The following GALNT13 variants were observed in gnomAD, a reference collection of about 807,000 sequenced individuals.
GALNT13 encodes the protein polypeptide N-acetylgalactosaminyltransferase 13.
Under a neutral mutation model 64.2 loss-of-function variants are expected in GALNT13, and 28 were observed. That is an observed-to-expected ratio of 0.44 (90% CI 0.32 to 0.60). GALNT13 has a LOEUF of 0.60. GALNT13 is among the 20% of genes least tolerant of loss of function. GALNT13 has a pLI of 0.05. For missense variants in GALNT13, 577 were observed against 669.8 expected (o/e 0.86, Z 1.53); for synonymous variants, 214 against 224.6 (o/e 0.95, Z 0.42).
intron 11 of GALNT13, among the ~76,000 whole-genome samples, chr2:154,413,195 A>T (rs1699866461): frequency 6.6e-6 from 1 of 151,866 alleles, no homozygotes; most frequent in Admixed American, 6.6e-5. Context: ...GTCTGCAGAC[A>T]TCTCAAACCC....
At chr2:153,262,955 A>G in the GALNT13 span, among the ~76,000 whole-genome samples, 7 of 152,144 alleles carry the variant, frequency 4.6e-5, no homozygotes, top group African/African-American at 1.7e-4. Context: ...GGCCAGGGCA[A>G]TCAGACAAGA....
chr2:153,129,805 T>A, the GALNT13 span, among the ~76,000 whole-genome samples: 2 of 151,796 alleles, frequency 1.3e-5, no homozygotes, highest in Non-Finnish European at 2.9e-5. Context: ...TAAGTTTGAA[T>A]AGCAACTAAA....
the GALNT13 span, among the ~76,000 whole-genome samples, chr2:153,296,477 C>G: frequency 1.3e-5 from 2 of 152,022 alleles, no homozygotes; most frequent in Non-Finnish European, 2.9e-5. Context: ...GGTTTAATGT[C>G]GTTTTAGTAA....
intron 3 of GALNT13, among the ~76,000 whole-genome samples, chr2:154,107,690 A>AT (rs35575704): frequency 0.76 from 114,757 of 151,690 alleles, 43,797 homozygotes; most frequent in East Asian, 0.96. Flanking sequence ...TGCAATAGAT[A>AT]TTTTTTAAAA....
rs1265376699 is a variant in GALNT13, at chr2:154,242,035, A to G, written c.317A>G (p.Lys106Arg). Residue 106 changes from lysine to arginine, a missense_variant, in exon 5 of 13, where the codon AAG becomes AGG. Physicochemically the swap from Lys to Arg is conservative, Grantham distance 26 (BLOSUM62 2). Around this residue, in one of 3 missense-constraint regions of GALNT13, gnomAD observed 341 missense variants for 379.3 expected, o/e 0.90. Transcript: ENST00000392825. ...TCTTCTTTTCTCTTTTTCAGATGTA[A>G]GACAAAAGTCTACCCTGATGAACTT... is the stretch of plus-strand genomic sequence containing the variant. Reference protein sequence around the residue: ...SLPDVRLEGCKTKVYPDELPN... With the variant: ...SLPDVRLEGCRTKVYPDELPN... 2 of 1,577,488 alleles carry G rather than the reference A, an allele frequency of 1.3e-6. No individual in the cohort carries two copies. The highest frequency in any genetic ancestry group is 1.7e-6 in the Non-Finnish European group (2 of 1,164,930).
At position 153,964,487 on chromosome 2, in the gene GALNT13, G is replaced by A. The variant is rs576111526; in HGVS notation, c.142+19848G>A. On this transcript the variant is annotated intron_variant, in intron 3 of 12. Transcript: ENST00000392825. The stretch of plus-strand genomic sequence containing the variant: ...GAACAGCATTTTCATATATTTCTCA[G>A]TACTCTCTTGTACATTTCTCTGTTA... 2.0e-5 allele frequency among the ~76,000 whole-genome samples: 3 copies of A among 152,042 alleles called. No homozygotes were observed. The South Asian group carries it at 6.2e-4, about 32-fold the overall frequency.
intron 9 of GALNT13, among the ~76,000 whole-genome samples, chr2:154,322,655 TAGTC>T (rs1415119484): frequency 1.3e-5 from 2 of 152,126 alleles, no homozygotes; most frequent in African/African-American, 4.8e-5. Flanking sequence ...AAACTAGTGG[TAGTC>T]AGGTTGTGTT....
chr2:153,222,228 A>C, the GALNT13 span, among the ~76,000 whole-genome samples: 2 of 118,930 alleles, frequency 1.7e-5, no homozygotes, highest in African/African-American at 6.2e-5. Context: ...AGGAGTGTCC[A>C]GCTCTTAGTG....
chr2:153,800,837 A>G, the GALNT13 span, among the ~76,000 whole-genome samples: 1 of 152,170 alleles, frequency 6.6e-6, no homozygotes, highest in Non-Finnish European at 1.5e-5. Flanking sequence ...GAAGTCTTGA[A>G]TCCCTCAAAG....
the GALNT13 span, among the ~76,000 whole-genome samples, chr2:153,180,521 A>C: frequency 6.6e-6 from 1 of 152,136 alleles, no homozygotes; most frequent in East Asian, 1.9e-4. Flanking sequence ...CTCTATTATC[A>C]GAGTAGTGCT....
the GALNT13 span, among the ~76,000 whole-genome samples, chr2:153,835,672 C>T: frequency 6.6e-6 from 1 of 152,010 alleles, no homozygotes; most frequent in Admixed American, 6.6e-5. Flanking sequence ...GTCTATGCTT[C>T]ATAATATAAA....
rs775208493 is a variant in GALNT13, at chr2:154,140,398, A to G, written c.204A>G (p.Lys68=). The change falls in exon 4 of 13, where the codon AAA becomes AAG. Residue 68 remains lysine (K), a synonymous_variant. Coordinates refer to ENST00000392825, the MANE Select transcript of GALNT13 (RefSeq NM_052917.4). ...GEMGKAVLIP[K]DDQEKMKELF... ...TGGGAAAAGCTGTGTTGATTCCTAA[A>G]GATGACCAGGAGAAAATGAAAGAGC... is the stretch of plus-strand genomic sequence containing the variant. The G allele has an allele frequency of 3.7e-6, 6 of 1,613,066 alleles. No individual in the cohort carries two copies. In the Admixed American group the frequency reaches 8.3e-5, roughly 22 times the overall value.
chr2:153,304,332 C>T, the GALNT13 span, among the ~76,000 whole-genome samples: 1 of 151,862 alleles, frequency 6.6e-6, no homozygotes, highest in Non-Finnish European at 1.5e-5. Context: ...CAGATTCCAC[C>T]TATAGATGAA....
At chr2:153,868,398 G>A (rs1461837703), upstream of GALNT13, among the ~76,000 whole-genome samples, 1 of 152,140 alleles carries the variant, frequency 6.6e-6, no homozygotes, top group Non-Finnish European at 1.5e-5. Context: ...TCAATGAGAA[G>A]CCACTTAAAT....
chr2:153,799,608 T>C, the GALNT13 span, among the ~76,000 whole-genome samples: 11 of 152,164 alleles, frequency 7.2e-5, no homozygotes, highest in Non-Finnish European at 1.5e-5. Flanking sequence ...ATAGTAACTA[T>C]AGTCAGTTAT....
the GALNT13 span, among the ~76,000 whole-genome samples, chr2:153,312,159 A>G: frequency 1.3e-5 from 2 of 152,166 alleles, no homozygotes; most frequent in African/African-American, 4.8e-5. Flanking sequence ...GCTTGATAAG[A>G]ATGTGAAAGA....
the GALNT13 span, among the ~76,000 whole-genome samples, chr2:153,652,667 C>T: frequency 6.6e-6 from 1 of 152,060 alleles, no homozygotes; most frequent in Non-Finnish European, 1.5e-5. Context: ...GACTGACACG[C>T]ACCTCTGCAC....
At chr2:153,700,385 A>G in the GALNT13 span, among the ~76,000 whole-genome samples, 1 of 152,230 alleles carries the variant, frequency 6.6e-6, no homozygotes, top group South Asian at 2.1e-4. Context: ...AGCCAATATC[A>G]TACTGATTGG....
At chr2:153,560,400 G>A in the GALNT13 span, among the ~76,000 whole-genome samples, 213 of 151,770 alleles carry the variant, frequency 1.4e-3, 2 homozygotes, top group African/African-American at 4.8e-3. Flanking sequence ...AGGAATGAAC[G>A]TGTTTTCCTC....
Sources: gnomAD v4.1 joint callset for allele counts (sites outside exome capture counted in the v4.1 genomes callset) on GRCh38, gnomAD v4.1.1 for gene constraint, gnomAD v4.1.1 regional missense constraint, MANE v1.5 for transcripts, NCBI Gene and HGNC (gene_info 2026-07-23, HGNC 2026-07-21) for gene names.